HEMK2: variants seen among roughly 807,000 people sequenced by gnomAD.
The protein encoded by HEMK2 is HemK methyltransferase 2, ETF1 glutamine and histone H4 lysine, also known as methyltransferase HEMK2.
the HEMK2 span, among the ~76,000 whole-genome samples, chr21:28,592,553 A>G: frequency 6.6e-6 from 1 of 152,250 alleles, no homozygotes; most frequent in East Asian, 1.9e-4. Flanking sequence ...AGAGGCTTCT[A>G]AGACAAAAAT....
At chr21:28,748,363 TAA>T in the HEMK2 span, among the ~76,000 whole-genome samples, 1 of 152,226 alleles carries the variant, frequency 6.6e-6, no homozygotes, top group Non-Finnish European at 1.5e-5. Flanking sequence ...TATACCTTGG[TAA>T]AAAATAATTA....
At chr21:28,759,793 TA>T in the HEMK2 span, among the ~76,000 whole-genome samples, 1 of 152,196 alleles carries the variant, frequency 6.6e-6, no homozygotes, top group Non-Finnish European at 1.5e-5. Context: ...TGCCACCATG[TA>T]GGACATGCCT....
the HEMK2 span, among the ~76,000 whole-genome samples, chr21:28,774,240 G>T: frequency 6.6e-6 from 1 of 152,158 alleles, no homozygotes; most frequent in East Asian, 1.9e-4. Context: ...GGAACATATT[G>T]TCAGGATATC....
At chr21:28,710,266 T>C in the HEMK2 span, among the ~76,000 whole-genome samples, 1 of 152,360 alleles carries the variant, frequency 6.6e-6, no homozygotes, top group African/African-American at 2.4e-5. Flanking sequence ...TCCCTTGGAC[T>C]TTGTATAATA....
the HEMK2 span, among the ~76,000 whole-genome samples, chr21:28,815,721 T>A: frequency 6.6e-6 from 1 of 151,970 alleles, no homozygotes; most frequent in Admixed American, 6.6e-5. Flanking sequence ...TTACCAAATA[T>A]TTGAGTAAAA....
the HEMK2 span, among the ~76,000 whole-genome samples, chr21:28,808,038 G>A: frequency 6.6e-6 from 1 of 152,086 alleles, no homozygotes; most frequent in Non-Finnish European, 1.5e-5. Context: ...GCTAGAGCAA[G>A]TGCCTCCCCC....
the HEMK2 span, among the ~76,000 whole-genome samples, chr21:28,823,299 A>C: frequency 6.8e-3 from 1,041 of 152,334 alleles, 14 homozygotes; most frequent in African/African-American, 0.024. Context: ...AGGAAAGCTC[A>C]AAGTGCTCTG....
chr21:28,848,413 T>C, the HEMK2 span, among the ~76,000 whole-genome samples: 1 of 152,112 alleles, frequency 6.6e-6, no homozygotes, highest in South Asian at 2.1e-4. Context: ...AGAGATCATT[T>C]GATCTCTTTT....
the HEMK2 span, among the ~76,000 whole-genome samples, chr21:28,870,379 TGTTCA>T: frequency 6.6e-6 from 1 of 151,984 alleles, no homozygotes; most frequent in East Asian, 1.9e-4. Context: ...GTTCACCCTC[TGTTCA>T]GTTAATTTTC....
chr21:28,628,847 C>A, the HEMK2 span, among the ~76,000 whole-genome samples: 2 of 152,222 alleles, frequency 1.3e-5, no homozygotes, highest in African/African-American at 2.4e-5. Context: ...GCTTTTAGCA[C>A]CCTGCATCCA....
chr21:28,778,391 T>C, the HEMK2 span, among the ~76,000 whole-genome samples: 1 of 152,340 alleles, frequency 6.6e-6, no homozygotes, highest in East Asian at 1.9e-4. Context: ...TTTATACACA[T>C]TCATCAACAT....
At chr21:28,603,099 A>G in the HEMK2 span, among the ~76,000 whole-genome samples, 1 of 152,186 alleles carries the variant, frequency 6.6e-6, no homozygotes, top group Non-Finnish European at 1.5e-5. Flanking sequence ...CAGTGGGGAC[A>G]CACTGAGGCT....
the HEMK2 span, among the ~76,000 whole-genome samples, chr21:28,685,078 A>G: frequency 1.3e-5 from 2 of 152,058 alleles, no homozygotes; most frequent in African/African-American, 4.8e-5. Flanking sequence ...TATTAGAGTC[A>G]GGGAAGTAAA....
the HEMK2 span, among the ~76,000 whole-genome samples, chr21:28,823,414 T>C: frequency 1.2e-4 from 19 of 152,166 alleles, no homozygotes; most frequent in African/African-American, 4.3e-4. Context: ...GAAAAATCAT[T>C]TTATAAAAAC....
At chr21:28,701,553 CACACAT>C in the HEMK2 span, among the ~76,000 whole-genome samples, 23,126 of 87,756 alleles carry the variant, frequency 0.26, 2,075 homozygotes, top group East Asian at 0.49. Flanking sequence ...TAGCCACACA[CACACAT>C]ACACACACAC....
chr21:28,686,143 G>A, the HEMK2 span, among the ~76,000 whole-genome samples: 1 of 152,166 alleles, frequency 6.6e-6, no homozygotes, highest in Admixed American at 6.5e-5. Context: ...TTTGGTGAAG[G>A]AGAGAATCTG....
At chr21:28,877,212 A>AGAAAGGAAG in the HEMK2 span, among the ~76,000 whole-genome samples, 21,650 of 128,024 alleles carry the variant, frequency 0.17, 2,133 homozygotes, top group South Asian at 0.22. Flanking sequence ...GGGAAGGGAG[A>AGAAAGGAAG]GAAAGGAAGG....
chr21:28,681,938 C>G, the HEMK2 span, among the ~76,000 whole-genome samples: 1 of 152,132 alleles, frequency 6.6e-6, no homozygotes, highest in African/African-American at 2.4e-5. Context: ...GACCTAAAAC[C>G]ATGAAAACCC....
At chr21:28,683,486 G>A in the HEMK2 span, among the ~76,000 whole-genome samples, 1 of 152,090 alleles carries the variant, frequency 6.6e-6, no homozygotes, top group South Asian at 2.1e-4. Context: ...ACTGTAAGTA[G>A]CCCAAAGAGC....
Sources: gnomAD v4.1 joint callset for allele counts (sites outside exome capture counted in the v4.1 genomes callset) on GRCh38, gnomAD v4.1.1 for gene constraint, MANE v1.5 for transcripts, NCBI Gene and HGNC (gene_info 2026-07-23, HGNC 2026-07-21) for gene names.